The following ETV6 variants were observed in gnomAD, a reference collection of about 807,000 sequenced individuals.
ETV6 encodes the protein ETS variant transcription factor 6.
A neutral mutation model predicts 51.1 loss-of-function variants in ETV6; 16 were observed. The observed-to-expected ratio is 0.31, with a 90% CI of 0.21 to 0.48. The LOEUF (loss-of-function observed/expected upper bound fraction) is 0.48, where lower values mean the gene tolerates loss of function less well. Among genes scored for constraint, ETV6 ranks in the 20% least tolerant of loss-of-function variants. The pLI, the probability that ETV6 is intolerant of heterozygous loss-of-function variation, is 0.99. For missense variants in ETV6, 458 were observed against 594.8 expected, an observed-to-expected ratio of 0.77 and a Z score of 2.39; for synonymous variants, 240 against 224.1, an observed-to-expected ratio of 1.07 and a Z score of -0.64.
chr12:11,687,808 T>C (rs1864665180), intron 1 of ETV6, among the ~76,000 whole-genome samples: 1 of 152,154 alleles, frequency 6.6e-6, no homozygotes, highest in South Asian at 2.1e-4. Context: ...CAAAGCAGTG[T>C]GTGATCAGTG....
At chr12:11,718,407 AG>A (rs1309638263) in intron 1 of ETV6, among the ~76,000 whole-genome samples, 1 of 152,150 alleles carries the variant, frequency 6.6e-6, no homozygotes, top group African/African-American at 2.4e-5. Context: ...TGCAGAATGT[AG>A]ATGTAGGGCT....
At chr12:11,884,715 T>C in intron 6 of ETV6, 128 bp downstream of exon 6, 2 of 1,190,646 alleles carry the variant, frequency 1.7e-6, no homozygotes. Context: ...TATTCCTTGC[T>C]GGGCAAGCAA....
intron 1 of ETV6, among the ~76,000 whole-genome samples, chr12:11,733,304 A>C (rs1865636585): frequency 6.9e-6 from 1 of 144,152 alleles, no homozygotes; most frequent in South Asian, 2.3e-4. Flanking sequence ...GCTGCTCGGG[A>C]GGCTGAGGCA....
In ETV6 at chr12:11,869,507, A is replaced by G; in HGVS notation, c.547A>G (p.Arg183Gly). The change falls in exon 5 of 8, where the codon AGG becomes GGG. Residue 183 changes from arginine (R) to glycine (G), a missense_variant. By Grantham distance (125) the Arg-to-Gly change is moderately radical (BLOSUM62 -2). This residue lies in a region of ETV6 where 293 missense variants were observed against 315.7 expected (regional missense o/e 0.93). Coordinates refer to ENST00000396373, the MANE Select transcript of ETV6 (RefSeq NM_001987.5). The surrounding 1 kb of genome is among the most constrained non-coding windows in gnomAD (Gnocchi z 5.0). ...CACCATTGAACTGTTGCACCGCTCCAGGTCACCTATCACGACAAATCACCG... is the reference window on the plus strand; with the variant it reads ...CACCATTGAACTGTTGCACCGCTCCGGGTCACCTATCACGACAAATCACCG... ...PPTIELLHRS[R>G]SPITTNHRPS... 6.2e-7 allele frequency: 1 copy of G among 1,614,118 alleles called. No homozygotes were observed. The highest frequency in any genetic ancestry group is 8.5e-7 in the Non-Finnish European group (1 of 1,180,008).
intron 2 of ETV6, among the ~76,000 whole-genome samples, chr12:11,837,825 C>G (rs188581348): frequency 6.6e-6 from 1 of 152,160 alleles, no homozygotes; most frequent in African/African-American, 2.4e-5. Context: ...CCCAGCAGTT[C>G]TTAAATTTGG....
intron 2 of ETV6, chr12:11,826,268 C>T (rs1591702214): frequency 1.3e-5 from 2 of 152,234 alleles, no homozygotes; most frequent in South Asian, 2.1e-4. Flanking sequence ...ATTACTTGCT[C>T]CATCCATGAT....
intron 1 of ETV6, among the ~76,000 whole-genome samples, chr12:11,666,799 C>A (rs1864202701): frequency 1.3e-5 from 2 of 152,232 alleles, no homozygotes; most frequent in Non-Finnish European, 2.9e-5. Flanking sequence ...TGACCGCCTG[C>A]TGGGGGCTTT....
chr12:11,875,732 T>G (rs916857500), intron 5 of ETV6, among the ~76,000 whole-genome samples: 5 of 152,236 alleles, frequency 3.3e-5, no homozygotes, highest in African/African-American at 4.8e-5. Context: ...TGTTTCCTTC[T>G]GGTCTGGGAC....
intron 1 of ETV6, among the ~76,000 whole-genome samples, chr12:11,669,216 A>G (rs1444884297): frequency 6.6e-6 from 1 of 152,124 alleles, no homozygotes; most frequent in African/African-American, 2.4e-5. Context: ...CTTTAACCAT[A>G]AGGTGCGCAG....
At chr12:11,731,795 C>T (rs1326905961) in intron 1 of ETV6, among the ~76,000 whole-genome samples, 1 of 152,176 alleles carries the variant, frequency 6.6e-6, no homozygotes, top group Non-Finnish European at 1.5e-5. Context: ...AAAATGTTAA[C>T]TACCATTTAG....
At chr12:11,773,117 C>G (rs1352871568) in intron 2 of ETV6, among the ~76,000 whole-genome samples, 1 of 151,394 alleles carries the variant, frequency 6.6e-6, no homozygotes, top group Non-Finnish European at 1.5e-5. Flanking sequence ...TGGCGTGAAC[C>G]CGGGAGGCAG....
rs1164496582 is a variant in ETV6, at chr12:11,845,802, C to G, written c.328+6498C>G. ...GGTCAGGAGATCAAGACCATCCTGG[C>G]TAATATGGTGAAACCTCATCTCTAC... On this transcript the variant is annotated intron_variant, in intron 3 of 7. Coordinates refer to ENST00000396373, the MANE Select transcript of ETV6 (RefSeq NM_001987.5). Among the ~76,000 whole-genome samples, 3 of 152,058 alleles carry G rather than the reference C, an allele frequency of 2.0e-5. No homozygotes were observed. The East Asian group carries it at 5.8e-4, about 29-fold the overall frequency.
At chr12:11,714,129 T>C (rs1591626881) in intron 1 of ETV6, among the ~76,000 whole-genome samples, 2 of 152,154 alleles carry the variant, frequency 1.3e-5, no homozygotes, top group African/African-American at 4.8e-5. Flanking sequence ...GTCAGAACAG[T>C]ACTTAGCACA....
chr12:11,815,117 T>G (rs1015669546), intron 2 of ETV6, among the ~76,000 whole-genome samples: 1 of 152,200 alleles, frequency 6.6e-6, no homozygotes, highest in African/African-American at 2.4e-5. Flanking sequence ...GGATACCTAC[T>G]TAGGACTTAG....
intron 1 of ETV6, among the ~76,000 whole-genome samples, chr12:11,735,774 A>C (rs1395771206): frequency 6.6e-6 from 1 of 152,026 alleles, no homozygotes; most frequent in Admixed American, 6.5e-5. Flanking sequence ...AATTTTTGGT[A>C]TTTTTAGTAG....
intron 2 of ETV6, among the ~76,000 whole-genome samples, chr12:11,764,557 A>C (rs1945136324): frequency 6.6e-6 from 1 of 152,212 alleles, no homozygotes; most frequent in African/African-American, 2.4e-5. Context: ...AACCATTCTC[A>C]CTAAATGTCT....
Position 11,893,841 on chromosome 12 carries a change from T to TATATATATACAC in ETV6, c.*2796_*2797insTATATATACACA, listed in dbSNP as rs1491290450. On this transcript the variant is annotated 3_prime_UTR_variant, in exon 8 of 8. Coordinates refer to ENST00000396373, the MANE Select transcript of ETV6 (RefSeq NM_001987.5). ...ATATATATATATATATATATATATA[T>TATATATATACAC]ACACACACACACACATACACAAATA... is the stretch of plus-strand genomic sequence containing the variant. 1.0e-4 allele frequency: 6 copies of TATATATATACAC among 57,306 alleles called. No individual in the cohort carries two copies. Among genetic ancestry groups the TATATATATACAC allele is most frequent in the African/African-American group, 3.8e-4 (6 of 15,682 alleles). 3.5% of individuals were successfully genotyped at this position (57,306 alleles called of 1,614,324 possible).
rs1387050149 is a variant in ETV6 at position 11,650,037 on chromosome 12, G to C, written c.-91G>C. The C allele has an allele frequency of 2.5e-6, 3 of 1,178,116 alleles. No homozygotes were observed. The highest frequency in any genetic ancestry group is 3.4e-5 in the Admixed American group (2 of 58,878). The allele number at this position is 1,178,116 out of a possible 1,614,324, so 73.0% of individuals were successfully genotyped here. On this transcript the variant is annotated 5_prime_UTR_variant, in exon 1 of 8. Coordinates refer to ENST00000396373, the MANE Select transcript of ETV6 (RefSeq NM_001987.5). ...TGGAAGAAACTTCTTAAATGACCGC[G>C]TCTGGCTGGCCGTGGAGCCTTTCTG...
chr12:11,875,852 T>A (rs1352829861), intron 5 of ETV6, among the ~76,000 whole-genome samples: 1 of 152,214 alleles, frequency 6.6e-6, no homozygotes, highest in Non-Finnish European at 1.5e-5. Flanking sequence ...ATTTATTTGG[T>A]ATTGCCTATG....
Sources: gnomAD v4.1 joint callset for allele counts (sites outside exome capture counted in the v4.1 genomes callset) on GRCh38, gnomAD v4.1.1 for gene constraint, gnomAD v4.1.1 regional missense constraint, Gnocchi (gnomAD v3.1) non-coding constraint, MANE v1.5 for transcripts, NCBI Gene and HGNC (gene_info 2026-07-23, HGNC 2026-07-21) for gene names.